The following RAD51B variants were observed in gnomAD, a reference collection of about 807,000 sequenced individuals.
RAD51B encodes DNA repair protein RAD51 homolog 2.
RAD51B carries 38 observed loss-of-function variants against 42.2 expected under a neutral mutation model. That is an observed-to-expected ratio of 0.90 (90% CI 0.70 to 1.18). The LOEUF is 1.18. RAD51B is among the 50% of genes most tolerant of loss of function. RAD51B has a pLI of 0.00. For missense variants in RAD51B, 373 were observed against 400.7 expected, an observed-to-expected ratio of 0.93 and a Z score of 0.59; for synonymous variants, 154 against 145.2, an observed-to-expected ratio of 1.06 and a Z score of -0.43.
downstream of RAD51B, among the ~76,000 whole-genome samples, chr14:68,481,011 T>G (rs1252543517): frequency 2.0e-5 from 3 of 152,252 alleles, no homozygotes; most frequent in African/African-American, 7.2e-5. Flanking sequence ...CTGCACTCTC[T>G]TTTGAGAACC....
intron 5 of RAD51B, among the ~76,000 whole-genome samples, chr14:67,867,018 A>C (rs1200383510): frequency 1.3e-5 from 2 of 152,216 alleles, no homozygotes; most frequent in East Asian, 3.8e-4. Context: ...AAGGCTTAAA[A>C]TGAGTGATCA....
At chr14:68,395,995 C>T (rs1315863361) in intron 8 of RAD51B, among the ~76,000 whole-genome samples, 1 of 152,040 alleles carries the variant, frequency 6.6e-6, no homozygotes, top group Non-Finnish European at 1.5e-5. Context: ...AAGAATCCAC[C>T]GTTAGGGTCT....
intron 7 of RAD51B, among the ~76,000 whole-genome samples, chr14:68,279,783 C>T (rs964469484): frequency 6.6e-6 from 1 of 151,978 alleles, no homozygotes; most frequent in African/African-American, 2.4e-5. Flanking sequence ...AAACTAAAGA[C>T]CTTTAGTTTT....
intron 8 of RAD51B, among the ~76,000 whole-genome samples, chr14:68,376,986 G>C (rs548507976): frequency 7.1e-4 from 108 of 152,294 alleles, no homozygotes; most frequent in African/African-American, 2.5e-3. Flanking sequence ...AAATTGCAGA[G>C]TAAAAGTCTG....
chr14:68,195,482 AT>A (rs2079350582), intron 7 of RAD51B, among the ~76,000 whole-genome samples: 2 of 152,196 alleles, frequency 1.3e-5, no homozygotes, highest in African/African-American at 4.8e-5. Context: ...ATGACCTACA[AT>A]TAAAAAATAC....
At chr14:67,910,010 T>C (rs1007177652) in intron 7 of RAD51B, among the ~76,000 whole-genome samples, 14 of 152,208 alleles carry the variant, frequency 9.2e-5, no homozygotes, top group Admixed American at 9.2e-4. Context: ...CATTATCAAC[T>C]TGACAGGCCT....
rs191422385 is a variant in RAD51B, at chr14:67,880,993, C to G, written c.453-4876C>G. On this transcript the variant is annotated intron_variant, in intron 5 of 10. Coordinates refer to ENST00000471583, the MANE Select transcript of RAD51B (RefSeq NM_133510.4). ...CACCCTACAGTGTACTTACATGCAC[C>G]TAGATGGTATAGCCTACTGCGCACC... is the stretch of plus-strand genomic sequence containing the variant. 1.1e-4 allele frequency among the ~76,000 whole-genome samples: 17 copies of G among 152,236 alleles called. No homozygotes were observed. In the East Asian group the frequency reaches 3.3e-3, roughly 29 times the overall value.
At chr14:68,333,887 C>T (rs1226753345) in intron 8 of RAD51B, among the ~76,000 whole-genome samples, 1 of 152,138 alleles carries the variant, frequency 6.6e-6, no homozygotes, top group African/African-American at 2.4e-5. Context: ...TTCCTCTTGT[C>T]TCATTGCAAT....
At chr14:68,386,691 G>A (rs372135505) in intron 8 of RAD51B, among the ~76,000 whole-genome samples, 1 of 152,114 alleles carries the variant, frequency 6.6e-6, no homozygotes, top group African/African-American at 2.4e-5. Flanking sequence ...AGCACTGGAG[G>A]TTCTGAAAGC....
At chr14:68,029,042 A>C (rs1191747661) in intron 7 of RAD51B, among the ~76,000 whole-genome samples, 1 of 152,258 alleles carries the variant, frequency 6.6e-6, no homozygotes, top group Non-Finnish European at 1.5e-5. Flanking sequence ...GATAGTGTGC[A>C]GTCCCACAGT....
intron 10 of RAD51B, among the ~76,000 whole-genome samples, chr14:68,650,495 G>A (rs1892678309): frequency 6.6e-6 from 1 of 152,196 alleles, no homozygotes; most frequent in East Asian, 1.9e-4. Context: ...GGCTTTGAGA[G>A]CTTAGACTTC....
chr14:67,849,433 C>T (rs916380156), intron 4 of RAD51B, among the ~76,000 whole-genome samples: 2 of 152,174 alleles, frequency 1.3e-5, no homozygotes. Context: ...AGGCATGCGC[C>T]ACCACACCCA....
At chr14:68,106,638 ATGGTAGCACTG>A (rs1297714201) in intron 7 of RAD51B, among the ~76,000 whole-genome samples, 1 of 151,882 alleles carries the variant, frequency 6.6e-6, no homozygotes, top group African/African-American at 2.4e-5. Context: ...CATGCAGGGT[ATGGTAGCACTG>A]TGATTCAGCT....
chr14:68,092,792 ATGCTTCCAGTTTT>A (rs910294256), intron 7 of RAD51B, among the ~76,000 whole-genome samples: 9 of 152,124 alleles, frequency 5.9e-5, no homozygotes, highest in Non-Finnish European at 1.3e-4. Context: ...TTCAAAGGGA[ATGCTTCCAGTTTT>A]TGTCCGTTCA....
chr14:68,448,439 G>C (rs910410764), intron 9 of RAD51B, among the ~76,000 whole-genome samples: 1 of 152,198 alleles, frequency 6.6e-6, no homozygotes, highest in Non-Finnish European at 1.5e-5. Context: ...TTCTGGGTTA[G>C]CTCAAACCTG....
intron 7 of RAD51B, among the ~76,000 whole-genome samples, chr14:68,118,372 T>C (rs1176907088): frequency 6.6e-6 from 1 of 152,210 alleles, no homozygotes; most frequent in Non-Finnish European, 1.5e-5. Context: ...TGCATTTAGT[T>C]GTCATGACTC....
chr14:68,524,445 G>A (rs531186908), intron 10 of RAD51B, among the ~76,000 whole-genome samples: 2 of 152,202 alleles, frequency 1.3e-5, no homozygotes, highest in Non-Finnish European at 2.9e-5. Flanking sequence ...CTGACGGGTT[G>A]GTTCAAGACC....
chr14:68,341,604 T>A (rs2082573940), intron 8 of RAD51B, among the ~76,000 whole-genome samples: 1 of 152,246 alleles, frequency 6.6e-6, no homozygotes, highest in Non-Finnish European at 1.5e-5. Flanking sequence ...TCCATCTCTC[T>A]GCTCTGCTTT....
At chr14:68,356,340 C>T (rs7401281) in intron 8 of RAD51B, among the ~76,000 whole-genome samples, 13,590 of 145,982 alleles carry the variant, frequency 0.093, no homozygotes, top group East Asian at 0.26. Context: ...GAGGCTGAGG[C>T]GGGAGAATGG....
Sources: gnomAD v4.1 joint callset for allele counts (sites outside exome capture counted in the v4.1 genomes callset) on GRCh38, gnomAD v4.1.1 for gene constraint, MANE v1.5 for transcripts, NCBI Gene and HGNC (gene_info 2026-07-23, HGNC 2026-07-21) for gene names.